Variants in NUBPL observed in about 807,000 individuals in gnomAD.
The protein encoded by NUBPL is NUBP iron-sulfur cluster assembly factor, mitochondrial.
In NUBPL, 31 loss-of-function variants were observed where a neutral mutation model predicts 45.7. The ratio of observed to expected loss-of-function variants is 0.68; its 90% CI spans 0.51 to 0.92. NUBPL has a LOEUF of 0.92. Among genes scored for constraint, NUBPL ranks in the 40% least tolerant of loss-of-function variants. The probability of loss-of-function intolerance (pLI) is 0.00; values close to 1 mark genes in which losing one functional copy is unlikely to be tolerated. For missense variants in NUBPL, 401 were observed against 398.7 expected (o/e 1.01, Z -0.05); for synonymous variants, 144 against 140.9 (o/e 1.02, Z -0.15).
At chr14:31,726,639 A>G (rs934732919) in intron 6 of NUBPL, among the ~76,000 whole-genome samples, 1 of 137,254 alleles carries the variant, frequency 7.3e-6, no homozygotes, top group African/African-American at 2.8e-5. Context: ...AGAGAGCACC[A>G]TGCTTGATAC....
intron 4 of NUBPL, among the ~76,000 whole-genome samples, chr14:31,601,774 C>G (rs1023788485): frequency 7.2e-5 from 11 of 152,288 alleles, no homozygotes; most frequent in African/African-American, 2.6e-4. Flanking sequence ...AATAGGAACA[C>G]TTTGACACTG....
At chr14:31,606,995 A>T (rs1407838101) in intron 4 of NUBPL, among the ~76,000 whole-genome samples, 5 of 152,186 alleles carry the variant, frequency 3.3e-5, no homozygotes, top group Non-Finnish European at 7.3e-5. Context: ...TGTTCTTTAA[A>T]GGGGCAATCA....
At chr14:31,758,880 A>G (rs1416226253) in intron 6 of NUBPL, among the ~76,000 whole-genome samples, 2 of 152,166 alleles carry the variant, frequency 1.3e-5, no homozygotes, top group Non-Finnish European at 2.9e-5. Flanking sequence ...GTAGGATGCA[A>G]AAACTCGTGG....
chr14:31,731,268 C>T (rs553953071), intron 6 of NUBPL, among the ~76,000 whole-genome samples: 33 of 152,132 alleles, frequency 2.2e-4, no homozygotes, highest in Non-Finnish European at 2.8e-4. Context: ...CAATGTGGAA[C>T]GATAAAAAGG....
chr14:31,840,772 G>A (rs1489442356), intron 8 of NUBPL, among the ~76,000 whole-genome samples: 1 of 151,986 alleles, frequency 6.6e-6, no homozygotes, highest in African/African-American at 2.4e-5. Context: ...AGCAGGGATT[G>A]GGGAAATGTC....
chr14:31,628,583 T>G (rs1281675167), intron 4 of NUBPL, among the ~76,000 whole-genome samples: 1 of 152,168 alleles, frequency 6.6e-6, no homozygotes, highest in Non-Finnish European at 1.5e-5. Context: ...AAGTCGTAGG[T>G]TTATTTTATT....
intron 6 of NUBPL, among the ~76,000 whole-genome samples, chr14:31,770,753 G>T (rs1318571723): frequency 6.6e-6 from 1 of 152,154 alleles, no homozygotes; most frequent in African/African-American, 2.4e-5. Flanking sequence ...CTTGGCCCAT[G>T]CCCTGGAAAG....
intron 7 of NUBPL, among the ~76,000 whole-genome samples, chr14:31,810,943 G>A (rs956897404): frequency 1.1e-4 from 17 of 152,190 alleles, no homozygotes; most frequent in South Asian, 4.2e-4. Flanking sequence ...TTGAATATTG[G>A]CCCCCACTCT....
At chr14:31,586,359 A>G (rs1299652552) in intron 3 of NUBPL, among the ~76,000 whole-genome samples, 1 of 152,208 alleles carries the variant, frequency 6.6e-6, no homozygotes, top group Non-Finnish European at 1.5e-5. Context: ...TTCAAAGGTA[A>G]TAATTTGAAG....
chr14:31,820,060 A>T (rs2039989359), intron 7 of NUBPL, among the ~76,000 whole-genome samples: 1 of 150,364 alleles, frequency 6.7e-6, no homozygotes, highest in African/African-American at 2.5e-5. Context: ...GAATGGCATG[A>T]ACCCAGGAGG....
intron 3 of NUBPL, among the ~76,000 whole-genome samples, chr14:31,587,557 AAAG>A (rs894889848): frequency 6.6e-4 from 101 of 152,354 alleles, no homozygotes; most frequent in African/African-American, 2.3e-3. Context: ...AACAAAAAGA[AAAG>A]AAGCAGAATA....
At chr14:31,668,975 G>A (rs2036505342) in intron 4 of NUBPL, among the ~76,000 whole-genome samples, 1 of 152,046 alleles carries the variant, frequency 6.6e-6, no homozygotes, top group African/African-American at 2.4e-5. Flanking sequence ...GACCAGAACT[G>A]TTCCTATTTG....
intron 4 of NUBPL, among the ~76,000 whole-genome samples, chr14:31,602,087 T>C (rs897488161): frequency 6.6e-6 from 1 of 152,098 alleles, no homozygotes; most frequent in Non-Finnish European, 1.5e-5. Flanking sequence ...ATGTTCTTTG[T>C]AGGGACATGG....
At chr14:31,826,826 G>C (rs951467802) in intron 8 of NUBPL, 112 bp downstream of exon 8, 2 of 932,426 alleles carry the variant, frequency 2.1e-6, no homozygotes, top group African/African-American at 3.3e-5. Context: ...AAGTCTTTAT[G>C]AAAGTCCTAG....
chr14:31,837,402 AG>A (rs1247265070), intron 8 of NUBPL, among the ~76,000 whole-genome samples: 1 of 152,252 alleles, frequency 6.6e-6, no homozygotes, highest in Non-Finnish European at 1.5e-5. Context: ...GACCCTTAAA[AG>A]ATTAGGTAGG....
At chr14:31,837,156 T>C (rs867905679) in intron 8 of NUBPL, among the ~76,000 whole-genome samples, 21 of 152,110 alleles carry the variant, frequency 1.4e-4, no homozygotes, top group African/African-American at 4.3e-4. Flanking sequence ...ACCTTGTTTC[T>C]ACAAAAAATA....
intron 4 of NUBPL, among the ~76,000 whole-genome samples, chr14:31,642,549 G>A (rs568295563): frequency 6.6e-6 from 1 of 151,926 alleles, no homozygotes. Flanking sequence ...GTCTATGTCT[G>A]TGTTTTTATG....
At chr14:31,619,381 G>A (rs531698795) in intron 4 of NUBPL, among the ~76,000 whole-genome samples, 5 of 152,258 alleles carry the variant, frequency 3.3e-5, no homozygotes, top group African/African-American at 9.6e-5. Context: ...TCATAGTGTC[G>A]ATGGCCTTTA....
chr14:31,707,413 CT>C (rs2037477672), intron 6 of NUBPL, among the ~76,000 whole-genome samples: 1 of 152,306 alleles, frequency 6.6e-6, no homozygotes, highest in South Asian at 2.1e-4. Flanking sequence ...TTCTCTTTGA[CT>C]TCTCCTTTGT....
Sources: gnomAD v4.1 joint callset for allele counts (sites outside exome capture counted in the v4.1 genomes callset) on GRCh38, gnomAD v4.1.1 for gene constraint, MANE v1.5 for transcripts, NCBI Gene and HGNC (gene_info 2026-07-23, HGNC 2026-07-21) for gene names.